The following AUTS2 variants were observed in gnomAD, a reference collection of about 807,000 sequenced individuals.
AUTS2 encodes the protein activator of transcription and developmental regulator AUTS2.
AUTS2 carries 17 observed loss-of-function variants against 112.4 expected under a neutral mutation model. The ratio of observed to expected loss-of-function variants is 0.15; its 90% CI spans 0.10 to 0.23. The LOEUF (loss-of-function observed/expected upper bound fraction) is 0.23, where lower values mean the gene tolerates loss of function less well. Ranked by LOEUF, AUTS2 falls within the 10% of genes least tolerant of loss-of-function variation. The pLI is 1.00. For missense variants in AUTS2, 1,510 were observed against 1,701.6 expected (o/e 0.89, Z 1.98); for synonymous variants, 751 against 702.7 (o/e 1.07, Z -1.09).
chr7:69,661,400 T>G (rs1285463389), intron 1 of AUTS2, among the ~76,000 whole-genome samples: 1 of 152,184 alleles, frequency 6.6e-6, no homozygotes, highest in African/African-American at 2.4e-5. Context: ...ACCAAGGTGG[T>G]TGGGGGAGGT....
intron 6 of AUTS2, among the ~76,000 whole-genome samples, chr7:70,755,039 T>C (rs1789107017): frequency 1.3e-5 from 2 of 152,180 alleles, no homozygotes; most frequent in Admixed American, 6.5e-5. Flanking sequence ...TCCTCCTCCT[T>C]CATCAATATT....
intron 1 of AUTS2, among the ~76,000 whole-genome samples, chr7:69,660,179 T>G (rs1795729370): frequency 6.6e-6 from 1 of 152,206 alleles, no homozygotes; most frequent in Non-Finnish European, 1.5e-5. Flanking sequence ...CTTGGCAGCA[T>G]TGAAAGATGC....
At chr7:70,609,566 GTTTTTTTTGTTTTGTTT>G (rs1803965726) in intron 5 of AUTS2, among the ~76,000 whole-genome samples, 1 of 145,050 alleles carries the variant, frequency 6.9e-6, no homozygotes, top group South Asian at 2.2e-4. Flanking sequence ...AGCTAATTTT[GTTTTTTTTGTTTTGTTT>G]TTTTTTTTTG....
intron 4 of AUTS2, among the ~76,000 whole-genome samples, chr7:70,196,742 GAGATTT>G (rs1453465295): frequency 6.6e-6 from 1 of 152,208 alleles, no homozygotes; most frequent in Admixed American, 6.5e-5. Flanking sequence ...TTTTCCCACT[GAGATTT>G]ACTGATAGGC....
intron 6 of AUTS2, among the ~76,000 whole-genome samples, chr7:70,702,063 T>A (rs1459624425): frequency 2.0e-5 from 3 of 152,242 alleles, no homozygotes; most frequent in Non-Finnish European, 4.4e-5. Context: ...CTTGCTGGTG[T>A]CACCAGTTTG....
intron 4 of AUTS2, among the ~76,000 whole-genome samples, chr7:70,212,437 T>G (rs986178556): frequency 3.3e-5 from 5 of 152,236 alleles, no homozygotes; most frequent in African/African-American, 1.2e-4. Flanking sequence ...CGTTCCTGAA[T>G]TGATTTGCAT....
intron 2 of AUTS2, among the ~76,000 whole-genome samples, chr7:69,992,277 G>A (rs1798770433): frequency 6.6e-6 from 1 of 152,134 alleles, no homozygotes; most frequent in South Asian, 2.1e-4. Flanking sequence ...CCAGAGAAAA[G>A]GTGAGATTAA....
At chr7:70,000,524 A>G (rs1029116670) in intron 2 of AUTS2, among the ~76,000 whole-genome samples, 2 of 152,204 alleles carry the variant, frequency 1.3e-5, no homozygotes, top group African/African-American at 4.8e-5. Context: ...GTGGTCTTTA[A>G]TAACAGAGTT....
At chr7:70,750,020 C>T (rs1037832383) in intron 6 of AUTS2, among the ~76,000 whole-genome samples, 2 of 152,220 alleles carry the variant, frequency 1.3e-5, no homozygotes, top group African/African-American at 2.4e-5. Flanking sequence ...AATCACCCTC[C>T]TGCTCTGCAG....
At chr7:70,621,592 G>C (rs575747592) in intron 5 of AUTS2, among the ~76,000 whole-genome samples, 1 of 152,100 alleles carries the variant, frequency 6.6e-6, no homozygotes, top group Non-Finnish European at 1.5e-5. Flanking sequence ...TTGAGGGGTG[G>C]GAGGGTAGGA....
intron 2 of AUTS2, among the ~76,000 whole-genome samples, chr7:70,078,520 C>T (rs1329491507): frequency 1.5e-4 from 23 of 152,322 alleles, no homozygotes; most frequent in East Asian, 1.9e-4. Context: ...TTTCTTTGTT[C>T]ATCAAGGCAG....
At chr7:69,757,676 A>T (rs936003117) in intron 1 of AUTS2, among the ~76,000 whole-genome samples, 6 of 152,112 alleles carry the variant, frequency 3.9e-5, no homozygotes, top group African/African-American at 1.4e-4. Flanking sequence ...CCTTGTTATT[A>T]CTGTTTGCCT....
At position 70,684,653 on chromosome 7, in the gene AUTS2, C is replaced by T. The variant is rs575716926; in HGVS notation, c.691-13916C>T. Among the ~76,000 whole-genome samples, 28 of 147,904 alleles carry T rather than the reference C, an allele frequency of 1.9e-4. No homozygotes were observed. In the East Asian group the frequency reaches 4.0e-3, roughly 21 times the overall value. ...CGTGGTATGGTGTGGGGTGGTGTGG[C>T]GTGGCGTGTGGTGTGGTATGGTGTG... On this transcript the variant is annotated intron_variant, in intron 5 of 18. Coordinates refer to ENST00000342771, the MANE Select transcript of AUTS2 (RefSeq NM_015570.4).
chr7:70,142,115 A>C lies in AUTS2; in HGVS notation c.660+7544A>C, dbSNP rs188185350. ...GTATTTTTAAACATTTGCTGTCTAC[A>C]GGAATCTTTGACATTGCTGTTGCAA... On this transcript the variant is annotated intron_variant, in intron 4 of 18. Coordinates refer to ENST00000342771, the MANE Select transcript of AUTS2 (RefSeq NM_015570.4). Among the ~76,000 whole-genome samples, 247 of 152,344 alleles carry C rather than the reference A, an allele frequency of 1.6e-3. 6 individuals carry two copies. The highest frequency in any genetic ancestry group is 5.6e-3 in the African/African-American group (234 of 41,568).
intron 2 of AUTS2, among the ~76,000 whole-genome samples, chr7:69,985,960 A>C (rs938681586): frequency 1.3e-5 from 2 of 151,942 alleles, no homozygotes; most frequent in Admixed American, 6.6e-5. Flanking sequence ...TCAGGGTCTT[A>C]CTATGTTGCC....
At chr7:69,816,091 A>C (rs1265828689) in intron 1 of AUTS2, among the ~76,000 whole-genome samples, 1 of 152,200 alleles carries the variant, frequency 6.6e-6, no homozygotes, top group Non-Finnish European at 1.5e-5. Flanking sequence ...GTACTGTAGA[A>C]GGTGTAATAG....
At chr7:70,596,164 C>T (rs1803192580) in intron 5 of AUTS2, 1 of 151,902 alleles carries the variant, frequency 6.6e-6, no homozygotes, top group Non-Finnish European at 1.5e-5. Flanking sequence ...CGGGGCGCTC[C>T]GCGGGCCGGG....
chr7:70,396,899 G>A (rs947442849), intron 4 of AUTS2, among the ~76,000 whole-genome samples: 24 of 152,132 alleles, frequency 1.6e-4, no homozygotes, highest in African/African-American at 5.8e-4. Flanking sequence ...TCTAGGAGTA[G>A]AATGGCTGGA....
chr7:69,825,212 A>T (rs768400706), intron 1 of AUTS2, among the ~76,000 whole-genome samples: 3 of 152,192 alleles, frequency 2.0e-5, no homozygotes, highest in Non-Finnish European at 2.9e-5. Flanking sequence ...GCCATCTGTC[A>T]GTATGAGAGA....
Sources: gnomAD v4.1 joint callset for allele counts (sites outside exome capture counted in the v4.1 genomes callset) on GRCh38, gnomAD v4.1.1 for gene constraint, MANE v1.5 for transcripts, NCBI Gene and HGNC (gene_info 2026-07-23, HGNC 2026-07-21) for gene names.